CSMD2: variants seen among roughly 807,000 people sequenced by gnomAD.
CSMD2 encodes the protein CUB and Sushi multiple domains 2.
In CSMD2, 130 loss-of-function variants were observed where a neutral mutation model predicts 398.5. The observed-to-expected ratio is 0.33, with a 90% confidence interval of 0.28 to 0.38. CSMD2 has a LOEUF of 0.38. Among genes scored for constraint, CSMD2 ranks in the 10% least tolerant of loss-of-function variants. CSMD2 has a pLI of 1.00. For synonymous variants in CSMD2, 1,828 were observed against 1,908.5 expected, an observed-to-expected ratio of 0.96 and a Z score of 1.10; for missense variants, 3,829 against 4,764.9, an observed-to-expected ratio of 0.80 and a Z score of 5.78.
intron 55 of CSMD2, among the ~76,000 whole-genome samples, chr1:33,552,041 G>A (rs1271501008): frequency 6.6e-6 from 1 of 152,158 alleles, no homozygotes; most frequent in Non-Finnish European, 1.5e-5. Flanking sequence ...ATAACATGTG[G>A]GGCAGAGATG....
In CSMD2 at chr1:33,542,977, G is replaced by A; in HGVS notation, c.9101-81C>T. On this transcript the variant is annotated intron_variant, in intron 57 of 70. Transcript: ENST00000373381. ...GGACTGATAACTGCCCAGAGTGGAA[G>A]CCACATGCTACCTCGGGACCTCGTG... is the stretch of plus-strand genomic sequence containing the variant. 2.5e-6 allele frequency: 3 copies of A among 1,207,366 alleles called. No homozygotes were observed. The South Asian group carries it at 4.4e-5, about 18-fold the overall frequency. 74.8% of individuals were successfully genotyped at this position (1,207,366 alleles called of 1,614,324 possible). A position where few individuals can be genotyped will look rare whatever the true frequency, so the allele number is the denominator to read the frequency against.
intron 20 of CSMD2, 83 bp downstream of exon 20, chr1:33,716,203 T>C (rs1218481860): frequency 2.5e-6 from 3 of 1,182,466 alleles, no homozygotes; most frequent in East Asian, 4.7e-5. Flanking sequence ...ATCTATCTGC[T>C]AGGAAAACCA....
chr1:33,753,266 C>G (rs935368682), intron 13 of CSMD2, among the ~76,000 whole-genome samples: 1 of 152,162 alleles, frequency 6.6e-6, no homozygotes, highest in African/African-American at 2.4e-5. Flanking sequence ...CCCAGAGGCC[C>G]AGGAGGAAAG....
At chr1:33,763,405 G>A (rs1233980026) in intron 13 of CSMD2, among the ~76,000 whole-genome samples, 1 of 152,146 alleles carries the variant, frequency 6.6e-6, no homozygotes, top group Non-Finnish European at 1.5e-5. Context: ...GGAATTTTGG[G>A]GGACAAGGCC....
At chr1:33,610,406 T>C (rs1640916293) in intron 41 of CSMD2, among the ~76,000 whole-genome samples, 1 of 152,108 alleles carries the variant, frequency 6.6e-6, no homozygotes. Context: ...GCTGCACAGG[T>C]TGGGCACAAT....
chr1:33,642,405 A>C (rs1249457837), intron 29 of CSMD2, among the ~76,000 whole-genome samples: 6 of 152,088 alleles, frequency 3.9e-5, no homozygotes, highest in South Asian at 2.1e-4. Flanking sequence ...AACAAACAAA[A>C]AAAGTCAGGA....
chr1:33,647,527 A>C (rs1004066978), intron 28 of CSMD2, among the ~76,000 whole-genome samples: 8 of 152,230 alleles, frequency 5.3e-5, no homozygotes, highest in African/African-American at 1.7e-4. Flanking sequence ...CATATTACGA[A>C]AAAATTATGC....
chr1:33,580,699 T>A, intron 48 of CSMD2, 54 bp downstream of exon 48: 2 of 1,602,706 alleles, frequency 1.2e-6, no homozygotes, highest in Non-Finnish European at 1.7e-6. Context: ...ACAGAGGAGC[T>A]TGAGGCTTCG....
intron 5 of CSMD2, among the ~76,000 whole-genome samples, chr1:33,901,156 CAT>C (rs988131165): frequency 2.0e-5 from 3 of 152,260 alleles, no homozygotes; most frequent in African/African-American, 7.2e-5. Flanking sequence ...GCATTCCACA[CAT>C]GTGATGGCCT....
Position 33,537,075 on chromosome 1 carries a change from C to T in CSMD2, c.9826G>A (p.Ala3276Thr), listed in dbSNP as rs769410271. The T allele has an allele frequency of 1.2e-6, 2 of 1,614,082 alleles. No individual in the cohort carries two copies. Among genetic ancestry groups the T allele is most frequent in the Admixed American group, 3.3e-5 (2 of 60,008 alleles). The part of the protein sequence containing the change: ...SCIDPTLTTC[A>T]DPGVPQFGIQ... ...CCAAACTGTGGCACACCAGGGTCCG[C>T]ACACGTGGTCAGGGTCGGATCTGGA... The change falls in exon 62 of 71, where the codon GCG becomes ACG. Residue 3276 changes from alanine (A) to threonine (T), a missense_variant. Transcript: ENST00000373381. This position sits in a 1 kb window ranked among gnomAD's most constrained non-coding sequence, Gnocchi z 4.6.
chr1:34,031,223 C>T (rs1035688236), intron 3 of CSMD2, among the ~76,000 whole-genome samples: 8 of 151,850 alleles, frequency 5.3e-5, no homozygotes, highest in African/African-American at 1.2e-4. Flanking sequence ...ACACCATGCC[C>T]GGCTAATTTT....
At chr1:33,884,055 A>ACACAGTGGAT (rs1641418026) in intron 5 of CSMD2, among the ~76,000 whole-genome samples, 2 of 152,100 alleles carry the variant, frequency 1.3e-5, no homozygotes, top group Non-Finnish European at 2.9e-5. Flanking sequence ...ACACAGTGGA[A>ACACAGTGGAT]TTCCCAGGGC....
intron 21 of CSMD2, among the ~76,000 whole-genome samples, chr1:33,710,718 G>C (rs370072613): frequency 6.6e-6 from 1 of 150,986 alleles, no homozygotes; most frequent in East Asian, 2.0e-4. Flanking sequence ...TAAGCCAGGA[G>C]CGTACTAGGC....
At chr1:33,724,744 G>A in intron 17 of CSMD2, 40 bp from the exon 18 acceptor site, 3 of 1,586,598 alleles carry the variant, frequency 1.9e-6, no homozygotes, top group Non-Finnish European at 2.6e-6. Flanking sequence ...ACAGCTTACT[G>A]TCACTACAGA....
rs1557685858 is a variant in CSMD2 at position 33,658,024 on chromosome 1, G to A, written c.4369C>T (p.Leu1457=). 6.2e-7 allele frequency: 1 copy of A among 1,614,178 alleles called. No homozygotes were observed. ...CAGCTGATCTCTGCACTTCCCTGCA[G>A]CGCGTAGCCAGGGTCACACTGGAAC... The part of the protein sequence containing the change: ...TVFQCDPGYA[L]QGSAEISCVK... The change falls in exon 27 of 71, where the codon CTG becomes TTG. Residue 1457 remains leucine (L), a synonymous_variant. Coordinates refer to ENST00000373381, the MANE Select transcript of CSMD2 (RefSeq NM_001281956.2).
At chr1:34,035,511 C>G (rs1222446516) in intron 2 of CSMD2, among the ~76,000 whole-genome samples, 2 of 151,984 alleles carry the variant, frequency 1.3e-5, no homozygotes, top group East Asian at 3.9e-4. Flanking sequence ...ACACCATAAC[C>G]AAGTGGGGTT....
At chr1:33,807,486 C>A (rs1656358393) in intron 10 of CSMD2, among the ~76,000 whole-genome samples, 1 of 152,174 alleles carries the variant, frequency 6.6e-6, no homozygotes, top group East Asian at 1.9e-4. Flanking sequence ...TGTATTTGCA[C>A]TGAAAGATAT....
chr1:33,742,761 C>T (rs533702592), intron 14 of CSMD2, among the ~76,000 whole-genome samples: 2 of 152,106 alleles, frequency 1.3e-5, no homozygotes, highest in Non-Finnish European at 2.9e-5. Flanking sequence ...AGTCTGGGAG[C>T]CCAACAGAAG....
chr1:33,538,633 G>A (rs1346242682), intron 60 of CSMD2, among the ~76,000 whole-genome samples: 2 of 152,188 alleles, frequency 1.3e-5, no homozygotes, highest in Non-Finnish European at 2.9e-5. Flanking sequence ...TTGATGGGAA[G>A]TTACTGTATC....
Sources: gnomAD v4.1 joint callset for allele counts (sites outside exome capture counted in the v4.1 genomes callset) on GRCh38, gnomAD v4.1.1 for gene constraint, Gnocchi (gnomAD v3.1) non-coding constraint, MANE v1.5 for transcripts, NCBI Gene and HGNC (gene_info 2026-07-23, HGNC 2026-07-21) for gene names.